The following VPS13B variants were observed in gnomAD, a reference collection of about 807,000 sequenced individuals.
The protein encoded by VPS13B is vacuolar protein sorting 13 homolog B, also known as intermembrane lipid transfer protein VPS13B.
In VPS13B, 285 loss-of-function variants were observed where a neutral mutation model predicts 426.4. That is an observed-to-expected ratio of 0.67 (90% CI 0.61 to 0.74). The LOEUF (loss-of-function observed/expected upper bound fraction) is 0.74, where lower values mean the gene tolerates loss of function less well. Among genes scored for constraint, VPS13B ranks in the 30% least tolerant of loss-of-function variants. The probability of loss-of-function intolerance (pLI) is 0.00; values close to 1 mark genes in which losing one functional copy is unlikely to be tolerated. For synonymous variants in VPS13B, 1,676 were observed against 1,676.4 expected, an observed-to-expected ratio of 1.00 and a Z score of 0.01; for missense variants, 4,537 against 4,782.6, an observed-to-expected ratio of 0.95 and a Z score of 1.51.
intron 36 of VPS13B, among the ~76,000 whole-genome samples, chr8:99,706,967 C>T (rs1832522804): frequency 6.6e-6 from 1 of 152,114 alleles, no homozygotes; most frequent in Non-Finnish European, 1.5e-5. Flanking sequence ...GCTAGGAAAG[C>T]TTCTAGCAAA....
At chr8:99,160,383 G>A (rs1811581779) in intron 15 of VPS13B, among the ~76,000 whole-genome samples, 1 of 152,136 alleles carries the variant, frequency 6.6e-6, no homozygotes, top group Non-Finnish European at 1.5e-5. Context: ...TACTGGCTGG[G>A]TATCGTGGCT....
intron 19 of VPS13B, among the ~76,000 whole-genome samples, chr8:99,339,515 T>C (rs1420460449): frequency 2.0e-5 from 3 of 151,986 alleles, no homozygotes; most frequent in African/African-American, 7.3e-5. Flanking sequence ...ATCCATCCCA[T>C]GATCCAGTCA....
intron 61 of VPS13B, 73 bp downstream of exon 61, chr8:99,871,770 C>G (rs1009109077): frequency 3.2e-5 from 51 of 1,606,540 alleles, no homozygotes; most frequent in Non-Finnish European, 4.2e-5. Context: ...TCACTGGTAC[C>G]TAGGCATTTC....
At chr8:99,363,877 G>T (rs1812697855) in intron 19 of VPS13B, among the ~76,000 whole-genome samples, 1 of 152,084 alleles carries the variant, frequency 6.6e-6, no homozygotes, top group South Asian at 2.1e-4. Context: ...GAGTCCTTAG[G>T]CTTTTCCAAA....
rs1199247601 is a variant in VPS13B at position 99,571,053 on chromosome 8, T to C, written c.4950-4605T>C. On this transcript the variant is annotated intron_variant, in intron 31 of 61. Coordinates refer to ENST00000357162, the MANE Select transcript of VPS13B (RefSeq NM_152564.5). Reference sequence around the variant, plus strand: ...TTCCTGTTTCTGATGGGTTGATGTTTTTCTGGCCCTTCAGGGGCCCCAGAT... The same window carrying C: ...TTCCTGTTTCTGATGGGTTGATGTTCTTCTGGCCCTTCAGGGGCCCCAGAT... Among the ~76,000 whole-genome samples, 5 of 152,328 alleles carry C rather than the reference T, an allele frequency of 3.3e-5. No individual in the cohort carries two copies. In the East Asian group the frequency reaches 9.6e-4, roughly 29 times the overall value.
At chr8:99,446,110 T>A (rs1471844627) in intron 23 of VPS13B, among the ~76,000 whole-genome samples, 1 of 152,254 alleles carries the variant, frequency 6.6e-6, no homozygotes, top group Non-Finnish European at 1.5e-5. Context: ...GCTTTAGTAG[T>A]CATTCCTTTT....
At chr8:99,658,800 CTTG>C (rs902726869) in intron 34 of VPS13B, among the ~76,000 whole-genome samples, 7 of 151,766 alleles carry the variant, frequency 4.6e-5, no homozygotes, top group Non-Finnish European at 7.4e-5. Context: ...TTTTTTTGTT[CTTG>C]TTGTTGTTGT....
intron 17 of VPS13B, among the ~76,000 whole-genome samples, chr8:99,262,874 GC>G (rs1408177103): frequency 1.4e-4 from 22 of 151,990 alleles, no homozygotes; most frequent in Non-Finnish European, 2.4e-4. Context: ...GAAGCCTCAA[GC>G]AATCCTCCCA....
At chr8:99,080,707 A>G (rs1845398727) in intron 3 of VPS13B, among the ~76,000 whole-genome samples, 1 of 152,238 alleles carries the variant, frequency 6.6e-6, no homozygotes, top group African/African-American at 2.4e-5. Flanking sequence ...AATCCTAAAC[A>G]CAATTGTTGT....
chr8:99,189,830 A>G (rs1813454829), intron 16 of VPS13B, among the ~76,000 whole-genome samples: 1 of 152,204 alleles, frequency 6.6e-6, no homozygotes, highest in African/African-American at 2.4e-5. Context: ...ATCAGCACAT[A>G]TATTGTATAT....
In VPS13B at chr8:99,096,367, C is replaced by T. The variant is rs762421764; in HGVS notation, c.347C>T (p.Thr116Ile). ...NSTNRSTAES[T>I]KSSIKPRRMQ... is the part of the protein sequence containing the mutation. ...ACCAACCGTAGTACTGCTGAGAGCA[C>T]AAAATCATCAATCAAACCGCGGAGA... The change falls in exon 4 of 62, where the codon ACA (threonine) becomes ATA (isoleucine). Residue 116 changes from threonine (T) to isoleucine (I), a missense_variant. Physicochemically the swap from Thr to Ile is moderately conservative, Grantham distance 89. Coordinates refer to ENST00000357162, the MANE Select transcript of VPS13B (RefSeq NM_152564.5). 1.2e-6 allele frequency: 2 copies of T among 1,614,056 alleles called. No individual in the cohort carries two copies. Among genetic ancestry groups the T allele is most frequent in the Non-Finnish European group, 1.7e-6 (2 of 1,179,994 alleles).
At chr8:99,309,708 A>G (rs544101893) in intron 19 of VPS13B, among the ~76,000 whole-genome samples, 156 of 152,200 alleles carry the variant, frequency 1.0e-3, no homozygotes, top group African/African-American at 3.5e-3. Flanking sequence ...GTTTTTTCCA[A>G]TTCTATGGAG....
chr8:99,584,908 A>G (rs1484873625), intron 33 of VPS13B, among the ~76,000 whole-genome samples: 2 of 152,202 alleles, frequency 1.3e-5, no homozygotes, highest in Non-Finnish European at 2.9e-5. Context: ...AAGACAGACA[A>G]TAATAAATAT....
chr8:99,127,969 T>C (rs2132535919), intron 8 of VPS13B, among the ~76,000 whole-genome samples: 1 of 152,294 alleles, frequency 6.6e-6, no homozygotes, highest in South Asian at 2.1e-4. Context: ...TTTTAATTAA[T>C]GTATATGAAG....
intron 19 of VPS13B, among the ~76,000 whole-genome samples, chr8:99,372,261 AAAAAC>A (rs1364645737): frequency 1.6e-4 from 24 of 151,774 alleles, no homozygotes; most frequent in African/African-American, 4.8e-4. Flanking sequence ...AAAAAAAAAA[AAAAAC>A]AAAAAACACC....
At chr8:99,290,630 T>A (rs558771392) in intron 19 of VPS13B, among the ~76,000 whole-genome samples, 1 of 150,214 alleles carries the variant, frequency 6.7e-6, no homozygotes, top group South Asian at 2.1e-4. Flanking sequence ...GTTGTACACA[T>A]GTACCCTAGA....
chr8:99,233,389 T>C (rs1264887767), intron 17 of VPS13B: 25 of 1,092,904 alleles, frequency 2.3e-5, no homozygotes, highest in Admixed American at 3.4e-5. Flanking sequence ...TCCCTGGGCC[T>C]TGATGGAGGC....
At chr8:99,742,560 G>C (rs1486138250) in intron 39 of VPS13B, among the ~76,000 whole-genome samples, 1 of 152,104 alleles carries the variant, frequency 6.6e-6, no homozygotes, top group Non-Finnish European at 1.5e-5. Flanking sequence ...GATGAACATT[G>C]ATGCAAAAAT....
chr8:99,632,354 A>C (rs1419113207), intron 33 of VPS13B, among the ~76,000 whole-genome samples: 4 of 152,008 alleles, frequency 2.6e-5, no homozygotes, highest in Non-Finnish European at 5.9e-5. Flanking sequence ...TTATTCAAGC[A>C]GTTCCATATG....
Sources: allele counts gnomAD v4.1 joint callset (sites outside exome capture counted in the v4.1 genomes callset), GRCh38; gene constraint gnomAD v4.1.1; transcripts MANE v1.5; gene names NCBI Gene and HGNC (gene_info 2026-07-23, HGNC 2026-07-21).